Variants in CDH12 observed in about 807,000 individuals in gnomAD.
The protein encoded by CDH12 is cadherin 12.
Under a neutral mutation model 74.1 loss-of-function variants are expected in CDH12, and 41 were observed. The ratio of observed to expected loss-of-function variants is 0.55; its 90% CI spans 0.43 to 0.72. CDH12 has a LOEUF of 0.72. CDH12 is among the 30% of genes least tolerant of loss of function. CDH12 has a pLI of 0.00. For missense variants in CDH12, 945 were observed against 977.2 expected (o/e 0.97, Z 0.44); for synonymous variants, 399 against 355.0 (o/e 1.12, Z -1.39).
intron 1 of CDH12, among the ~76,000 whole-genome samples, chr5:22,668,559 G>T (rs925685262): frequency 2.6e-5 from 4 of 152,144 alleles, no homozygotes; most frequent in Non-Finnish European, 5.9e-5. Flanking sequence ...TTCTGAGGTG[G>T]TGCAGGGCAT....
chr5:22,338,275 A>G (rs745696922), intron 3 of CDH12, among the ~76,000 whole-genome samples: 14 of 152,198 alleles, frequency 9.2e-5, no homozygotes, highest in African/African-American at 1.9e-4. Context: ...TTGCAACAAC[A>G]TGGATAGAAC....
At chr5:22,378,973 T>TA (rs1326591998) in intron 3 of CDH12, among the ~76,000 whole-genome samples, 14 of 152,280 alleles carry the variant, frequency 9.2e-5, no homozygotes, top group African/African-American at 3.4e-4. Context: ...TAGAGTCAAC[T>TA]ATTGTTTCAT....
intron 3 of CDH12, among the ~76,000 whole-genome samples, chr5:22,222,685 C>A (rs1752061040): frequency 6.6e-6 from 1 of 151,622 alleles, no homozygotes; most frequent in Admixed American, 6.6e-5. Flanking sequence ...ATAATTAAAG[C>A]ATACAATTTA....
At chr5:21,880,442 C>T (rs1390339199) in intron 6 of CDH12, among the ~76,000 whole-genome samples, 1 of 150,104 alleles carries the variant, frequency 6.7e-6, no homozygotes, top group African/African-American at 2.4e-5. Context: ...GCTTTTCCTT[C>T]CTTCTTTCCT....
chr5:22,081,883 T>C (rs893238583), intron 4 of CDH12, among the ~76,000 whole-genome samples: 2 of 152,308 alleles, frequency 1.3e-5, no homozygotes, highest in Admixed American at 6.5e-5. Flanking sequence ...TATGTGTCTA[T>C]AGTGTGGAAA....
At chr5:22,477,885 C>A (rs1746231659) in intron 2 of CDH12, among the ~76,000 whole-genome samples, 1 of 152,184 alleles carries the variant, frequency 6.6e-6, no homozygotes, top group Non-Finnish European at 1.5e-5. Flanking sequence ...CAAACCTACT[C>A]TGGTGAAGAA....
At chr5:22,315,119 C>CGTTTTTTTTTTTTT (rs565487368) in intron 3 of CDH12, among the ~76,000 whole-genome samples, 1 of 22,994 alleles carries the variant, frequency 4.3e-5, no homozygotes, top group African/African-American at 2.2e-4. Context: ...GCCTGCCTGG[C>CGTTTTTTTTTTTTT]TTTTTTTTTT....
chr5:21,949,852 A>T lies in CDH12; in HGVS notation c.526+25239T>A, dbSNP rs181135067. On this transcript the variant is annotated intron_variant, in intron 6 of 14. Transcript: ENST00000382254. Reference sequence around the variant, plus strand: ...AGTTAAAAAGTTTATAAAGTAAAAAAGTTACTGTAGGATAAGTTTAATGTA... The same window carrying T: ...AGTTAAAAAGTTTATAAAGTAAAAATGTTACTGTAGGATAAGTTTAATGTA... 5.2e-3 allele frequency among the ~76,000 whole-genome samples: 796 copies of T among 152,342 alleles called. 7 individuals carry two copies. The highest frequency in any genetic ancestry group is 0.024 in the Middle Eastern group (7 of 294).
intron 3 of CDH12, among the ~76,000 whole-genome samples, chr5:22,401,130 C>A (rs963163554): frequency 3.9e-5 from 6 of 152,148 alleles, no homozygotes; most frequent in African/African-American, 1.4e-4. Flanking sequence ...AAATTGATAA[C>A]CTCTCAGACA....
At chr5:22,550,895 G>GCTTTTT (rs1238485138) in intron 1 of CDH12, among the ~76,000 whole-genome samples, 1 of 152,118 alleles carries the variant, frequency 6.6e-6, no homozygotes, top group East Asian at 1.9e-4. Flanking sequence ...GCCAGGTGAG[G>GCTTTTT]CTTTTTCTTC....
intron 10 of CDH12, among the ~76,000 whole-genome samples, chr5:21,794,604 A>G (rs1186128338): frequency 6.6e-6 from 1 of 151,580 alleles, no homozygotes; most frequent in Non-Finnish European, 1.5e-5. Context: ...ATGTCCATCA[A>G]TTTGTACAAA....
At chr5:22,546,566 T>G (rs1464877415) in intron 1 of CDH12, among the ~76,000 whole-genome samples, 2 of 152,270 alleles carry the variant, frequency 1.3e-5, no homozygotes, top group East Asian at 3.9e-4. Context: ...GGAACAAAGA[T>G]TTTTTCTTTT....
At chr5:22,228,222 A>G (rs1752261715) in intron 3 of CDH12, among the ~76,000 whole-genome samples, 1 of 152,108 alleles carries the variant, frequency 6.6e-6, no homozygotes, top group Non-Finnish European at 1.5e-5. Flanking sequence ...TTAATAATAT[A>G]GCTTTACTAA....
intron 11 of CDH12, among the ~76,000 whole-genome samples, chr5:21,781,817 T>C (rs1409619136): frequency 6.6e-6 from 1 of 152,120 alleles, no homozygotes; most frequent in African/African-American, 2.4e-5. Flanking sequence ...TCCTTTCTAT[T>C]GCAAGAAACT....
intron 2 of CDH12, among the ~76,000 whole-genome samples, chr5:22,481,986 A>G (rs1033140011): frequency 6.6e-6 from 1 of 152,216 alleles, no homozygotes; most frequent in African/African-American, 2.4e-5. Context: ...TATATCAATT[A>G]TGCACCAATG....
intron 8 of CDH12, among the ~76,000 whole-genome samples, chr5:21,825,714 C>T (rs1382289187): frequency 1.3e-5 from 2 of 152,148 alleles, no homozygotes; most frequent in Admixed American, 6.6e-5. Context: ...CACTAAAATC[C>T]AGTGGCAATG....
At chr5:21,861,827 C>T (rs985897337) in intron 6 of CDH12, among the ~76,000 whole-genome samples, 9 of 151,782 alleles carry the variant, frequency 5.9e-5, no homozygotes, top group African/African-American at 1.9e-4. Context: ...TTCTCATCAG[C>T]CCATATCCTA....
At chr5:21,917,276 G>T (rs112002692) in intron 6 of CDH12, among the ~76,000 whole-genome samples, 8 of 152,140 alleles carry the variant, frequency 5.3e-5, no homozygotes, top group African/African-American at 1.9e-4. Flanking sequence ...AATCCCCTGG[G>T]AGCCTCAAAA....
In CDH12 at chr5:22,721,703, G is replaced by A. The variant is rs141678439; in HGVS notation, c.-523+131355C>T. 8.9e-3 allele frequency among the ~76,000 whole-genome samples: 1,357 copies of A among 152,234 alleles called. 20 individuals carry two copies. Among genetic ancestry groups the A allele is most frequent in the African/African-American group, 0.031 (1,292 of 41,544 alleles). Reference sequence around the variant, plus strand: ...TCCCACCCAAATCTCATCTTGAATTGTAATCCCCATGTGTTGAGGGAGGGA... The same window carrying A: ...TCCCACCCAAATCTCATCTTGAATTATAATCCCCATGTGTTGAGGGAGGGA... On this transcript the variant is annotated intron_variant, in intron 1 of 14. Coordinates refer to ENST00000382254, the MANE Select transcript of CDH12 (RefSeq NM_004061.5).
Sources: allele counts gnomAD v4.1 joint callset (sites outside exome capture counted in the v4.1 genomes callset), GRCh38; gene constraint gnomAD v4.1.1; transcripts MANE v1.5; gene names NCBI Gene and HGNC (gene_info 2026-07-23, HGNC 2026-07-21).